CNOT1: variants seen among roughly 807,000 people sequenced by gnomAD.
CNOT1 encodes the protein CCR4-associated factor 1.
In CNOT1, 15 loss-of-function variants were observed where a neutral mutation model predicts 273.8. The observed-to-expected ratio is 0.05, with a 90% CI of 0.04 to 0.08. The LOEUF is 0.08. Ranked by LOEUF, CNOT1 falls within the 10% of genes least tolerant of loss-of-function variation. The pLI is 1.00. For synonymous variants in CNOT1, 1,022 were observed against 1,005.5 expected, an observed-to-expected ratio of 1.02 and a Z score of -0.31; for missense variants, 1,644 against 2,912.2, an observed-to-expected ratio of 0.56 and a Z score of 10.02.
chr16:58,551,065 C>G, intron 24 of CNOT1, 67 bp downstream of exon 24: 8 of 1,569,614 alleles, frequency 5.1e-6, no homozygotes, highest in Non-Finnish European at 6.8e-6. Flanking sequence ...GTAAAAGGGC[C>G]AACTATACAT....
Position 58,520,894 on chromosome 16 carries a change from C to A in CNOT1, c.*64G>T, listed in dbSNP as rs1485588324. The A allele has an allele frequency of 3.3e-6, 5 of 1,514,050 alleles. No homozygotes were observed. The highest frequency in any genetic ancestry group is 1.1e-5 in the South Asian group (1 of 89,210). The allele number at this position is 1,514,050 out of a possible 1,614,324, so 93.8% of individuals were successfully genotyped here. A position where few individuals can be genotyped will look rare whatever the true frequency, so the allele number is the denominator to read the frequency against. ...GGAAGAGCTGAAAGGATTCTTCAGT[C>A]AGTTTATGAACTCGGTGCAGTGAGA... On this transcript the variant is annotated 3_prime_UTR_variant, in exon 49 of 49. Coordinates refer to ENST00000317147, the MANE Select transcript of CNOT1 (RefSeq NM_016284.5).
At chr16:58,583,845 T>G (rs908472108) in intron 8 of CNOT1, among the ~76,000 whole-genome samples, 15 of 150,170 alleles carry the variant, frequency 1.0e-4, no homozygotes, top group African/African-American at 3.7e-4. Context: ...AGCCTGAAAA[T>G]TTTTTTAAAA....
At position 58,525,267 on chromosome 16, in the gene CNOT1, G is replaced by A; in HGVS notation, c.6696C>T (p.Asn2232=). 6.2e-7 allele frequency: 1 copy of A among 1,614,002 alleles called. No individual in the cohort carries two copies. The highest frequency in any genetic ancestry group is 2.2e-5 in the East Asian group (1 of 44,878). The stretch of plus-strand genomic sequence containing the variant: ...TGCTCATTGAAGGTGTGCTGCCCTT[G>A]TTGTGGATGTGCGCAATGGCCTGAG... ...VGTQAIAHIH[N]KGSTPSMSTI... Residue 2232 remains asparagine (N), a synonymous_variant, in exon 46 of 49, where the codon AAC becomes AAT. Transcript: ENST00000317147.
intron 1 of CNOT1, among the ~76,000 whole-genome samples, chr16:58,603,894 T>G (rs1050411337): frequency 6.6e-6 from 1 of 152,202 alleles, no homozygotes; most frequent in Non-Finnish European, 1.5e-5. Flanking sequence ...ATTTTTAGTC[T>G]CCTCGTATTA....
At chr16:58,540,346 C>T (rs1346190903) in intron 34 of CNOT1, among the ~76,000 whole-genome samples, 2 of 152,220 alleles carry the variant, frequency 1.3e-5, no homozygotes, top group Non-Finnish European at 2.9e-5. Context: ...CTCAGTCCAA[C>T]TGTCAAAGCC....
At chr16:58,545,614 G>T in intron 29 of CNOT1, 123 bp from the exon 30 acceptor site, 170 of 1,170,862 alleles carry the variant, frequency 1.5e-4, no homozygotes, top group Admixed American at 8.3e-4. Context: ...GAGGAGGGAA[G>T]GATGTAGCAG....
Position 58,599,331 on chromosome 16 carries a change from G to C in CNOT1, c.7C>G (p.Leu3Val). ...GACAAGGCCAGCGAGAGCGAGTCAA[G>C]ATTCATTGCTGGTTGGGGCGGAAGC... MN[L>V]DSLSLALSQI... The change falls in exon 2 of 49, where the codon CTT becomes GTT. Residue 3 changes from leucine to valine, a missense_variant. Leu to Val is a conservative substitution (Grantham distance 32, BLOSUM62 1). Around this residue, in one of 13 missense-constraint regions of CNOT1, gnomAD observed 706 missense variants for 1,021.2 expected, o/e 0.69. Transcript: ENST00000317147. 3 of 1,614,180 alleles carry C rather than the reference G, an allele frequency of 1.9e-6. No homozygotes were observed. Among genetic ancestry groups the C allele is most frequent in the Non-Finnish European group, 2.5e-6 (3 of 1,180,048 alleles).
At chr16:58,579,258 C>A (rs2041571745) in intron 12 of CNOT1, among the ~76,000 whole-genome samples, 1 of 152,116 alleles carries the variant, frequency 6.6e-6, no homozygotes, top group South Asian at 2.1e-4. Context: ...TGCTGTATTT[C>A]TCTATCAAAT....
Position 58,520,462 on chromosome 16 carries a change from A to G in CNOT1, c.*496T>C, listed in dbSNP as rs16960200. The G allele has an allele frequency of 3.1e-3, 500 of 161,014 alleles. 3 individuals are homozygous for G. The highest frequency in any genetic ancestry group is 0.011 in the African/African-American group (468 of 41,708). 10.0% of individuals were successfully genotyped at this position (161,014 alleles called of 1,614,324 possible). On this transcript the variant is annotated 3_prime_UTR_variant, in exon 49 of 49. Transcript: ENST00000317147. ...GGACATATCCAATTCTAGCACATCC[A>G]CATTTTTAATAACTTAGTGATTTTC...
chr16:58,621,017 CTT>C (rs34890706), intron 1 of CNOT1, among the ~76,000 whole-genome samples: 36 of 150,724 alleles, frequency 2.4e-4, no homozygotes, highest in South Asian at 4.2e-4. Context: ...AAAAAGATAA[CTT>C]TTTTTTTTTC....
rs187958760 is a variant in CNOT1, at chr16:58,560,344, T to C, written c.1998A>G (p.Leu666=). 3.8e-5 allele frequency: 61 copies of C among 1,614,090 alleles called. No individual in the cohort carries two copies. Among genetic ancestry groups the C allele is most frequent in the Admixed American group, 2.0e-4 (12 of 60,008 alleles). ...CTACCATGGTGAGGATAGTTTCTGA[T>C]AGCTCCTGAGAAACACTCCTAAAAT... ...QACAGSVSQE[L]SETILTMVAN... is the part of the protein sequence containing the mutation. Residue 666 remains leucine (L), a synonymous_variant, in exon 17 of 49, where the codon CTA becomes CTG. Transcript: ENST00000317147.
intron 42 of CNOT1, 45 bp from the exon 43 acceptor site, chr16:58,530,392 T>C (rs768321760): frequency 6.8e-7 from 1 of 1,474,012 alleles, no homozygotes; most frequent in Non-Finnish European, 9.4e-7. Flanking sequence ...ACTCAGCTGT[T>C]TTTCAGCCAC....
In CNOT1 at chr16:58,586,733, T is replaced by C. The variant is rs752815076; in HGVS notation, c.449A>G (p.Lys150Arg). The change falls in exon 7 of 49, where the codon AAA becomes AGA. Residue 150 changes from lysine to arginine, a missense_variant. Around this residue, in one of 13 missense-constraint regions of CNOT1, gnomAD observed 706 missense variants for 1,021.2 expected, o/e 0.69. Transcript: ENST00000317147. Reference sequence around the variant, plus strand: ...ACGCAGAAGATCTGGAAGCTTCTGTTTGATAAACTGGGCAGCTAGAAGTCA... The same window carrying C: ...ACGCAGAAGATCTGGAAGCTTCTGTCTGATAAACTGGGCAGCTAGAAGTCA... ...DLRGFAAQFI[K>R]QKLPDLLRSY... 6 of 1,612,908 alleles carry C rather than the reference T, an allele frequency of 3.7e-6. No individual in the cohort carries two copies. The highest frequency in any genetic ancestry group is 5.1e-6 in the Non-Finnish European group (6 of 1,179,842).
chr16:58,596,320 T>C (rs569893711), intron 2 of CNOT1, among the ~76,000 whole-genome samples: 3 of 152,304 alleles, frequency 2.0e-5, no homozygotes, highest in East Asian at 3.9e-4. Flanking sequence ...TCTCGGCATA[T>C]GCTCCATGCC....
intron 12 of CNOT1, 116 bp from the exon 13 acceptor site, chr16:58,579,055 T>A: frequency 6.8e-7 from 1 of 1,468,280 alleles, no homozygotes; most frequent in Non-Finnish European, 9.0e-7. Context: ...CATGTTTTAA[T>A]ATTAGAAGTT....
chr16:58,581,244 T>C (rs1362699182), intron 11 of CNOT1, 101 bp downstream of exon 11: 1 of 1,363,266 alleles, frequency 7.3e-7, no homozygotes, highest in Admixed American at 2.5e-5. Context: ...GTATAACAAA[T>C]TCTACTTTAC....
rs148760682 is a variant in CNOT1, at chr16:58,583,062, T to A, written c.927A>T (p.Pro309=). The change falls in exon 9 of 49, where the codon CCA becomes CCT. Residue 309 remains proline, a synonymous_variant. Coordinates refer to ENST00000317147, the MANE Select transcript of CNOT1 (RefSeq NM_016284.5). ...RTHSGLTDGI[P]LQSISAPGSG... Reference sequence around the variant, plus strand: ...ATAGCTGAATTCAACACACCTGTAATGGAATGCCATCTGTTAATCCTGAAT... The same window carrying A: ...ATAGCTGAATTCAACACACCTGTAAAGGAATGCCATCTGTTAATCCTGAAT... The A allele has an allele frequency of 3.7e-6, 6 of 1,613,938 alleles. No individual in the cohort carries two copies. In the African/African-American group the frequency reaches 8.0e-5, roughly 22 times the overall value.
rs1489492896 is a variant in CNOT1 at position 58,586,701 on chromosome 16, T to C, written c.481A>G (p.Ile161Val). Residue 161 changes from isoleucine to valine, a missense_variant, in exon 7 of 49, where the codon ATT (isoleucine) becomes GTT (valine). Transcript: ENST00000317147. Reference protein sequence around the residue: ...QKLPDLLRSYIDADVSGNQEG... With the variant: ...QKLPDLLRSYVDADVSGNQEG... ...TGATTTCCACTGACGTCTGCGTCAA[T>C]GTAAGAACGCAGAAGATCTGGAAGC... is the stretch of plus-strand genomic sequence containing the variant. 6.2e-7 allele frequency: 1 copy of C among 1,613,262 alleles called. No individual in the cohort carries two copies. The highest frequency in any genetic ancestry group is 1.3e-5 in the African/African-American group (1 of 74,952).
intron 2 of CNOT1, among the ~76,000 whole-genome samples, chr16:58,592,423 T>C (rs967359309): frequency 6.6e-6 from 1 of 152,054 alleles, no homozygotes; most frequent in African/African-American, 2.4e-5. Context: ...AAAGTTATTA[T>C]ATAAACAAGC....
Sources: allele counts gnomAD v4.1 joint callset (sites outside exome capture counted in the v4.1 genomes callset), GRCh38; gene constraint gnomAD v4.1.1; regional missense constraint gnomAD v4.1.1; transcripts MANE v1.5; gene names NCBI Gene and HGNC (gene_info 2026-07-23, HGNC 2026-07-21).